GABRB1: variants seen among roughly 807,000 people sequenced by gnomAD.
The protein encoded by GABRB1 is gamma-aminobutyric acid type A receptor subunit beta1.
A neutral mutation model predicts 51.6 loss-of-function variants in GABRB1; 17 were observed. The ratio of observed to expected loss-of-function variants is 0.33; its 90% CI spans 0.23 to 0.49. GABRB1 has a LOEUF of 0.49. GABRB1 is among the 20% of genes least tolerant of loss of function. The pLI, the probability that GABRB1 is intolerant of heterozygous loss-of-function variation, is 0.99. For synonymous variants in GABRB1, 247 were observed against 218.9 expected (o/e 1.13, Z -1.14); for missense variants, 410 against 600.6 (o/e 0.68, Z 3.32).
chr4:47,322,579 G>A (rs1361096705), intron 5 of GABRB1, among the ~76,000 whole-genome samples: 1 of 152,042 alleles, frequency 6.6e-6, no homozygotes, highest in Non-Finnish European at 1.5e-5. Flanking sequence ...GAGTCACAGG[G>A]CAAAAAAAGT....
chr4:47,363,333 C>T (rs182078305), intron 5 of GABRB1, among the ~76,000 whole-genome samples: 1 of 152,262 alleles, frequency 6.6e-6, no homozygotes, highest in African/African-American at 2.4e-5. Context: ...TACCATGCTA[C>T]ATACCATATA....
At chr4:47,305,123 A>G (rs1724399817) in intron 4 of GABRB1, among the ~76,000 whole-genome samples, 1 of 152,104 alleles carries the variant, frequency 6.6e-6, no homozygotes, top group African/African-American at 2.4e-5. Context: ...ACCCATGTTT[A>G]TGCTTAGACT....
chr4:47,028,353 TA>T (rs1479757445), upstream of GABRB1, among the ~76,000 whole-genome samples: 1 of 151,772 alleles, frequency 6.6e-6, no homozygotes, highest in African/African-American at 2.4e-5. Flanking sequence ...TATGTTATTT[TA>T]AAATGTACAA....
intron 5 of GABRB1, among the ~76,000 whole-genome samples, chr4:47,349,766 T>C (rs944175457): frequency 2.0e-5 from 3 of 152,214 alleles, no homozygotes; most frequent in African/African-American, 7.2e-5. Flanking sequence ...ATTAATAAGA[T>C]TTACATGGCC....
chr4:47,040,903 C>A (rs560081391), intron 3 of GABRB1, among the ~76,000 whole-genome samples: 3 of 152,206 alleles, frequency 2.0e-5, no homozygotes, highest in South Asian at 4.1e-4. Flanking sequence ...ACTTTTCAAT[C>A]CTTCCAGAGG....
chr4:47,124,423 A>G (rs1195870752), intron 3 of GABRB1, among the ~76,000 whole-genome samples: 5 of 152,140 alleles, frequency 3.3e-5, no homozygotes, highest in Non-Finnish European at 5.9e-5. Flanking sequence ...TCTTTCAAAT[A>G]CACAAACATC....
chr4:47,306,079 T>C (rs1478328123), intron 4 of GABRB1, among the ~76,000 whole-genome samples: 2 of 152,026 alleles, frequency 1.3e-5, no homozygotes, highest in Non-Finnish European at 2.9e-5. Context: ...GATATCAAAC[T>C]GGAAAGTAAC....
chr4:47,101,164 C>A (rs1260404978), intron 3 of GABRB1, among the ~76,000 whole-genome samples: 1 of 152,036 alleles, frequency 6.6e-6, no homozygotes, highest in African/African-American at 2.4e-5. Context: ...TGTTTTCGAA[C>A]TAGACTCCAT....
At chr4:47,041,810 A>G (rs1725857359) in intron 3 of GABRB1, among the ~76,000 whole-genome samples, 1 of 152,078 alleles carries the variant, frequency 6.6e-6, no homozygotes, top group African/African-American at 2.4e-5. Context: ...ACCTGTGTCT[A>G]GAACATTTTC....
At chr4:47,190,922 T>G (rs1264538835) in intron 4 of GABRB1, among the ~76,000 whole-genome samples, 1 of 152,208 alleles carries the variant, frequency 6.6e-6, no homozygotes, top group African/African-American at 2.4e-5. Flanking sequence ...GGTCTGCAAC[T>G]GCTGGAGCCA....
intron 5 of GABRB1, among the ~76,000 whole-genome samples, chr4:47,333,181 A>G (rs1202430434): frequency 1.4e-5 from 2 of 140,240 alleles, no homozygotes; most frequent in Non-Finnish European, 3.1e-5. Context: ...TATATATTTA[A>G]AACCCATTTT....
At position 47,347,521 on chromosome 4, in the gene GABRB1, A is replaced by G. The variant is rs560845101; in HGVS notation, c.544+27312A>G. Among the ~76,000 whole-genome samples, 41 of 152,276 alleles carry G rather than the reference A, an allele frequency of 2.7e-4. No homozygotes were observed. The East Asian group carries it at 7.2e-3, about 27-fold the overall frequency. ...CGTATATGCTGTTGCCAACCCTTGGAACATAGTAACTAAAGACACAGTTCT... is the reference window on the plus strand; with the variant it reads ...CGTATATGCTGTTGCCAACCCTTGGGACATAGTAACTAAAGACACAGTTCT... On this transcript the variant is annotated intron_variant, in intron 5 of 8. Transcript: ENST00000295454.
intron 3 of GABRB1, among the ~76,000 whole-genome samples, chr4:47,145,477 C>G (rs1376150896): frequency 6.6e-6 from 1 of 151,952 alleles, no homozygotes; most frequent in African/African-American, 2.4e-5. Context: ...TCTTCAAATA[C>G]TAAAATGTGA....
chr4:47,081,007 A>G (rs2109566662), intron 3 of GABRB1, among the ~76,000 whole-genome samples: 1 of 152,326 alleles, frequency 6.6e-6, no homozygotes, highest in Non-Finnish European at 1.5e-5. Flanking sequence ...TTTTGAATCC[A>G]GAATCTGGGA....
intron 3 of GABRB1, among the ~76,000 whole-genome samples, chr4:47,055,534 A>T (rs1381857113): frequency 6.6e-6 from 1 of 152,166 alleles, no homozygotes; most frequent in Non-Finnish European, 1.5e-5. Flanking sequence ...CATTCCCCGA[A>T]CAGAATGACT....
Position 47,109,111 on chromosome 4 carries a change from T to C in GABRB1, c.241-52138T>C, listed in dbSNP as rs529961489. Among the ~76,000 whole-genome samples, 3 of 152,142 alleles carry C rather than the reference T, an allele frequency of 2.0e-5. No homozygotes were observed. The South Asian group carries it at 6.2e-4, about 31-fold the overall frequency. On this transcript the variant is annotated intron_variant, in intron 3 of 8. Transcript: ENST00000295454. ...TTTTGGGTAGGATATGGGATATTAC[T>C]AATATTTTTAGCAGACTAGTGATAT...
intron 4 of GABRB1, among the ~76,000 whole-genome samples, chr4:47,199,962 C>A (rs1265360371): frequency 6.6e-6 from 1 of 152,098 alleles, no homozygotes; most frequent in Non-Finnish European, 1.5e-5. Context: ...TTTTGGCCAC[C>A]TGGATGTACA....
chr4:47,277,330 C>T (rs1240618439), intron 4 of GABRB1, among the ~76,000 whole-genome samples: 1 of 151,754 alleles, frequency 6.6e-6, no homozygotes, highest in Non-Finnish European at 1.5e-5. Context: ...AACTCATGGA[C>T]ATAGAGAGTG....
chr4:47,114,517 G>A (rs2109635144), intron 3 of GABRB1, among the ~76,000 whole-genome samples: 1 of 152,264 alleles, frequency 6.6e-6, no homozygotes, highest in Admixed American at 6.5e-5. Flanking sequence ...TAGGTATGTT[G>A]TCCAATAATG....
Sources: gnomAD v4.1 joint callset for allele counts (sites outside exome capture counted in the v4.1 genomes callset) on GRCh38, gnomAD v4.1.1 for gene constraint, MANE v1.5 for transcripts, NCBI Gene and HGNC (gene_info 2026-07-23, HGNC 2026-07-21) for gene names.